PNPLA7: variants seen among roughly 807,000 people sequenced by gnomAD.
PNPLA7 encodes the protein patatin like domain 7, lysophospholipase.
In PNPLA7, 153 loss-of-function variants were observed where a neutral mutation model predicts 161.7. The observed-to-expected ratio is 0.95, with a 90% CI of 0.83 to 1.08. The LOEUF is 1.08. Ranked by LOEUF, PNPLA7 falls within the 50% of genes least tolerant of loss-of-function variation. The probability of loss-of-function intolerance (pLI) is 0.00; values close to 1 mark genes in which losing one functional copy is unlikely to be tolerated. For missense variants in PNPLA7, 1,739 were observed against 1,856.6 expected (o/e 0.94, Z 1.16); for synonymous variants, 809 against 782.1 (o/e 1.03, Z -0.57).
At chr9:137,508,966 G>A (rs1806354406) in intron 12 of PNPLA7, 1 of 152,296 alleles carries the variant, frequency 6.6e-6, no homozygotes, top group Non-Finnish European at 1.5e-5. Context: ...TCATCAAGAA[G>A]ACAGAATCAG....
Position 137,501,663 on chromosome 9 carries a change from C to G in PNPLA7, c.1538G>C (p.Arg513Thr), listed in dbSNP as rs1833428940. The G allele has an allele frequency of 3.1e-6, 5 of 1,612,384 alleles. No homozygotes were observed. The highest frequency in any genetic ancestry group is 1.3e-5 in the African/African-American group (1 of 74,912). The part of the protein sequence containing the change: ...LHVPAGTVVS[R>T]QGDQDASILF... ...ACCCCCGCTCACCTGGTCTCCCTGC[C>G]TTGACACCACCGTGCCTGCAGGAAC... Residue 513 changes from arginine to threonine, a missense_variant, in exon 15 of 35, where the codon AGG (arginine) becomes ACG (threonine). Coordinates refer to ENST00000406427, the MANE Select transcript of PNPLA7 (RefSeq NM_001098537.3).
Position 137,505,773 on chromosome 9 carries a change from G to A in PNPLA7, c.1327-13C>T, listed in dbSNP as rs369488356. 17 of 1,613,096 alleles carry A rather than the reference G, an allele frequency of 1.1e-5. No individual in the cohort carries two copies. Among genetic ancestry groups the A allele is most frequent in the South Asian group, 5.5e-5 (5 of 91,072 alleles). ...CGCTTTTCCTGGACTGGAGAAGAACGGAGATACCGGCAATTCGAAGGGATG... is the reference window on the plus strand; with the variant it reads ...CGCTTTTCCTGGACTGGAGAAGAACAGAGATACCGGCAATTCGAAGGGATG... On this transcript the variant is annotated splice_polypyrimidine_tract_variant and intron_variant, in intron 13 of 34. Coordinates refer to ENST00000406427, the MANE Select transcript of PNPLA7 (RefSeq NM_001098537.3).
chr9:137,461,948 T>G lies in PNPLA7; in HGVS notation c.3739A>C (p.Lys1247Gln). Residue 1247 changes from lysine (K) to glutamine (Q), a missense_variant, in exon 32 of 35, where the codon AAG (lysine) becomes CAG (glutamine). Physicochemically the swap from Lys to Gln is moderately conservative, Grantham distance 53 (BLOSUM62 1). Coordinates refer to ENST00000406427, the MANE Select transcript of PNPLA7 (RefSeq NM_001098537.3). ...KMLRDQQGPS[K>Q]KPASAVLTCP... ...GTACTCACCGCACTCGCGGGCTTCTTGCTCGGCCCCTGCTGGTCGCGGAGC... is the reference window on the plus strand; with the variant it reads ...GTACTCACCGCACTCGCGGGCTTCTGGCTCGGCCCCTGCTGGTCGCGGAGC... 2 of 1,584,390 alleles carry G rather than the reference T, an allele frequency of 1.3e-6. No homozygotes were observed. Among genetic ancestry groups the G allele is most frequent in the Non-Finnish European group, 1.7e-6 (2 of 1,169,892 alleles).
intron 20 of PNPLA7, among the ~76,000 whole-genome samples, chr9:137,485,823 G>A (rs762477463): frequency 6.6e-5 from 10 of 152,320 alleles, no homozygotes; most frequent in Non-Finnish European, 1.3e-4. Flanking sequence ...TGGGCCCCAT[G>A]TGGGCTGAGG....
intron 12 of PNPLA7, among the ~76,000 whole-genome samples, chr9:137,506,568 G>C (rs529446378): frequency 6.6e-6 from 1 of 152,146 alleles, no homozygotes; most frequent in Non-Finnish European, 1.5e-5. Context: ...GCTCTTTGCA[G>C]TCCCAGCCCC....
chr9:137,508,947 C>A (rs925192471), intron 12 of PNPLA7: 1 of 152,358 alleles, frequency 6.6e-6, no homozygotes, highest in Middle Eastern at 3.4e-3. Context: ...AGGTGCTCGG[C>A]CTCACAGTTC....
Position 137,495,065 on chromosome 9 carries a change from C to A in PNPLA7, c.2095G>T (p.Ala699Ser). 1.2e-6 allele frequency: 2 copies of A among 1,610,488 alleles called. No homozygotes were observed. Among genetic ancestry groups the A allele is most frequent in the Non-Finnish European group, 1.7e-6 (2 of 1,179,498 alleles). ...TACCTGCGCTTGATGGACGTGAGGGCTCCTGCCGGCAGCTTGGCCAATTCT... is the reference window on the plus strand; with the variant it reads ...TACCTGCGCTTGATGGACGTGAGGGATCCTGCCGGCAGCTTGGCCAATTCT... ...DSELAKLPAG[A>S]LTSIKRRYPQ... is the part of the protein sequence containing the mutation. The change falls in exon 19 of 35, where the codon GCC becomes TCC. Residue 699 changes from alanine to serine, a missense_variant. Physicochemically the swap from Ala to Ser is moderately conservative, Grantham distance 99. Around this residue, in one of 6 missense-constraint regions of PNPLA7, gnomAD observed 192 missense variants for 249.5 expected, o/e 0.77. Transcript: ENST00000406427.
Position 137,468,631 on chromosome 9 carries a change from G to A in PNPLA7, c.2883-1158C>T, listed in dbSNP as rs1330740721. On this transcript the variant is annotated intron_variant, in intron 25 of 34. Transcript: ENST00000406427. The surrounding 1 kb of genome is among the most constrained non-coding windows in gnomAD (Gnocchi z 4.0). ...CTCAGTGTTGGAGGAGGGACCCGGT[G>A]GGAGGTAACTGGATCATGGGGGCAG... Among the ~76,000 whole-genome samples the A allele has an allele frequency of 6.6e-6, 1 of 152,042 alleles. No homozygotes were observed. Among genetic ancestry groups the A allele is most frequent in the Non-Finnish European group, 1.5e-5 (1 of 68,028 alleles).
chr9:137,538,415 C>T (rs974966053), intron 8 of PNPLA7, among the ~76,000 whole-genome samples: 4 of 152,184 alleles, frequency 2.6e-5, no homozygotes, highest in Non-Finnish European at 4.4e-5. Flanking sequence ...ACGTCCTTTC[C>T]GAGCAGAGGA....
Position 137,490,704 on chromosome 9 carries a change from A to T in PNPLA7, c.2197+2309T>A, listed in dbSNP as rs1832722030. On this transcript the variant is annotated intron_variant, in intron 20 of 34. Coordinates refer to ENST00000406427, the MANE Select transcript of PNPLA7 (RefSeq NM_001098537.3). The surrounding 1 kb of genome is among the most constrained non-coding windows in gnomAD (Gnocchi z 4.1). ...TTCAACAGCAAGGAGACGAGCCCAG[A>T]AGGAAACCTGAGATGCCGCAAATGA... is the stretch of plus-strand genomic sequence containing the variant. 6.6e-6 allele frequency among the ~76,000 whole-genome samples: 1 copy of T among 152,224 alleles called. No individual in the cohort carries two copies. Among genetic ancestry groups the T allele is most frequent in the South Asian group, 2.1e-4 (1 of 4,832 alleles).
rs1835974232 is a variant in PNPLA7, at chr9:137,537,822, A to G, written c.747+2820T>C. Among the ~76,000 whole-genome samples the G allele has an allele frequency of 7.5e-6, 1 of 132,974 alleles. No individual in the cohort carries two copies. Among genetic ancestry groups the G allele is most frequent in the Admixed American group, 7.0e-5 (1 of 14,216 alleles). The allele number at this position is 132,974 out of a possible 152,430, so 87.2% of individuals were successfully genotyped here. On this transcript the variant is annotated intron_variant, in intron 8 of 34. Transcript: ENST00000406427. This position sits in a 1 kb window ranked among gnomAD's most constrained non-coding sequence, Gnocchi z 4.5. ...CCAACCTGAATATCACAACAAGATCAAGATCAGAAAGAACAAAGAAATAAT... is the reference window on the plus strand; with the variant it reads ...CCAACCTGAATATCACAACAAGATCGAGATCAGAAAGAACAAAGAAATAAT...
chr9:137,517,186 C>G (rs1249244559), intron 11 of PNPLA7, among the ~76,000 whole-genome samples: 1 of 141,790 alleles, frequency 7.1e-6, no homozygotes. Flanking sequence ...TCACTCACTC[C>G]ACTCTGTCCA....
intron 4 of PNPLA7, among the ~76,000 whole-genome samples, chr9:137,545,746 T>C (rs1197937389): frequency 2.0e-5 from 3 of 152,064 alleles, no homozygotes; most frequent in Non-Finnish European, 4.4e-5. Context: ...GGGGACATAG[T>C]GAGGAGTGAC....
intron 12 of PNPLA7, chr9:137,508,714 A>G (rs1285930163): frequency 1.3e-5 from 2 of 152,246 alleles, no homozygotes; most frequent in African/African-American, 4.8e-5. Flanking sequence ...GACACAAAAT[A>G]TATTAACCAC....
chr9:137,494,946 C>T (rs1832968708), intron 19 of PNPLA7, 87 bp downstream of exon 19: 2 of 1,248,066 alleles, frequency 1.6e-6, no homozygotes, highest in Non-Finnish European at 2.3e-6. Context: ...TGCTCTGTGC[C>T]CTCACCCGCT....
In PNPLA7 at chr9:137,520,134, G is replaced by T. The variant is rs889293492; in HGVS notation, c.958-91C>A. The T allele has an allele frequency of 1.5e-5, 24 of 1,556,178 alleles. No homozygotes were observed. Among genetic ancestry groups the T allele is most frequent in the Non-Finnish European group, 2.1e-5 (24 of 1,152,572 alleles). On this transcript the variant is annotated intron_variant, in intron 10 of 34. Transcript: ENST00000406427. This position sits in a 1 kb window ranked among gnomAD's most constrained non-coding sequence, Gnocchi z 5.2. ...CTCCTCAAAGGTGTGACAGGTGTGG[G>T]CTCCTCAAAGGTGTGACAGGTGTGG... is the stretch of plus-strand genomic sequence containing the variant.
Position 137,541,956 on chromosome 9 carries a change from A to AT in PNPLA7, c.666+685dup, listed in dbSNP as rs1231669086. ...CACCATGCCTGGATAATTATTTTTT[A>AT]TTTTTTGTAGAGACGGGGTCTCACT... On this transcript the variant is annotated intron_variant, in intron 7 of 34. Coordinates refer to ENST00000406427, the MANE Select transcript of PNPLA7 (RefSeq NM_001098537.3). The surrounding 1 kb of genome is among the most constrained non-coding windows in gnomAD (Gnocchi z 4.4). Among the ~76,000 whole-genome samples, 1 of 151,966 alleles carries AT rather than the reference A, an allele frequency of 6.6e-6. No homozygotes were observed. The highest frequency in any genetic ancestry group is 1.5e-5 in the Non-Finnish European group (1 of 67,984).
chr9:137,502,092 A>C (rs1269525553), intron 14 of PNPLA7, among the ~76,000 whole-genome samples: 3 of 152,186 alleles, frequency 2.0e-5, no homozygotes, highest in Non-Finnish European at 4.4e-5. Context: ...TGCCTTCTCC[A>C]CACCACCTAC....
intron 20 of PNPLA7, chr9:137,492,430 C>T (rs1832808849): frequency 5.8e-6 from 1 of 171,532 alleles, no homozygotes; most frequent in Non-Finnish European, 1.1e-5. Context: ...AAAAAAATTA[C>T]TGGGCTCGGG....
Sources: allele counts gnomAD v4.1 joint callset (sites outside exome capture counted in the v4.1 genomes callset), GRCh38; gene constraint gnomAD v4.1.1; regional missense constraint gnomAD v4.1.1; non-coding constraint Gnocchi (gnomAD v3.1); transcripts MANE v1.5; gene names NCBI Gene and HGNC (gene_info 2026-07-23, HGNC 2026-07-21).